CFLAR: variants seen among roughly 807,000 people sequenced by gnomAD.
CFLAR encodes the protein CASP8 and FADD like apoptosis regulator.
A neutral mutation model predicts 51.1 loss-of-function variants in CFLAR; 14 were observed. The ratio of observed to expected loss-of-function variants is 0.27; its 90% confidence interval spans 0.18 to 0.43. CFLAR has a LOEUF of 0.43. Among genes scored for constraint, CFLAR ranks in the 20% least tolerant of loss-of-function variants. The probability of loss-of-function intolerance (pLI) is 1.00; values close to 1 mark genes in which losing one functional copy is unlikely to be tolerated. For missense variants in CFLAR, 390 were observed against 566.5 expected (o/e 0.69, Z 3.16); for synonymous variants, 210 against 211.6 (o/e 0.99, Z 0.06).
At chr2:201,153,889 ATTTTC>A (rs1379978527) in intron 8 of CFLAR, among the ~76,000 whole-genome samples, 1 of 116,244 alleles carries the variant, frequency 8.6e-6, no homozygotes, top group African/African-American at 3.3e-5. Flanking sequence ...GGAATATTCT[ATTTTC>A]TTTTCTTTCT....
intron 2 of CFLAR, among the ~76,000 whole-genome samples, chr2:201,130,353 CT>C (rs771361555): frequency 6.4e-3 from 594 of 92,254 alleles, no homozygotes; most frequent in African/African-American, 0.021. Context: ...TTCTTTCTTT[CT>C]TTTTTTTTTT....
In CFLAR at chr2:201,174,543, G is replaced by C. The variant is rs1326277888; in HGVS notation, c.*10570G>C. The C allele has an allele frequency of 3.3e-5, 5 of 152,052 alleles. No individual in the cohort carries two copies. The highest frequency in any genetic ancestry group is 1.2e-4 in the African/African-American group (5 of 41,380). 9.4% of individuals were successfully genotyped at this position (152,052 alleles called of 1,614,324 possible). ...GTAGTCCTCTAACTTTGTTGTTGTT[G>C]TTGTTCTTCTTTTTTCTTTTGTAGA... is the stretch of plus-strand genomic sequence containing the variant. On this transcript the variant is annotated 3_prime_UTR_variant, in exon 10 of 10. Transcript: ENST00000309955.
rs1347130381 is a variant in CFLAR at position 201,163,169 on chromosome 2, AT to A, written c.1305-663del. ...TCTTATATTTCCTCAAGTTTTGACA[AT>A]TTGATAGGTGAAAAGTGGTATCTGA... On this transcript the variant is annotated intron_variant, in intron 9 of 9. Transcript: ENST00000309955. 6 of 962,448 alleles carry A rather than the reference AT, an allele frequency of 6.2e-6. No individual in the cohort carries two copies. In the African/African-American group the frequency reaches 9.8e-5, roughly 16 times the overall value. The allele number at this position is 962,448 out of a possible 1,614,324, so 59.6% of individuals were successfully genotyped here.
intron 8 of CFLAR, among the ~76,000 whole-genome samples, chr2:201,158,250 T>C (rs1942503205): frequency 6.6e-6 from 1 of 152,224 alleles, no homozygotes; most frequent in Admixed American, 6.5e-5. Flanking sequence ...CACACAGCTG[T>C]CTGCTCACAG....
In CFLAR at chr2:201,138,068, G is replaced by A; in HGVS notation, c.523+1961G>A. 4 of 728,324 alleles carry A rather than the reference G, an allele frequency of 5.5e-6. No individual in the cohort carries two copies. In the Admixed American group the frequency reaches 5.6e-5, roughly 10 times the overall value. The allele number at this position is 728,324 out of a possible 1,614,324, so 45.1% of individuals were successfully genotyped here. On this transcript the variant is annotated intron_variant, in intron 4 of 9. Coordinates refer to ENST00000309955, the MANE Select transcript of CFLAR (RefSeq NM_003879.7). The surrounding 1 kb of genome is among the most constrained non-coding windows in gnomAD (Gnocchi z 4.0). ...TGCAGGCTATCACTTCCTGGTTGAT[G>A]TAGATGGAGCCGCGCAGTCCATGCC...
intron 4 of CFLAR, chr2:201,139,283 A>C: frequency 3.5e-6 from 1 of 287,674 alleles, no homozygotes; most frequent in Non-Finnish European, 6.7e-6. Context: ...GTACCCAGGG[A>C]CACAAACACT....
rs2050480744 is a variant in CFLAR at position 201,138,592 on chromosome 2, C to T, written c.524-1765C>T. ...TCGATGTCTCGGGAGGTGACGATGC[C>T]CACCAGCTTGCTGCCCATGGTACCC... On this transcript the variant is annotated intron_variant, in intron 4 of 9. Coordinates refer to ENST00000309955, the MANE Select transcript of CFLAR (RefSeq NM_003879.7). This position sits in a 1 kb window ranked among gnomAD's most constrained non-coding sequence, Gnocchi z 4.0. 3.1e-6 allele frequency: 5 copies of T among 1,592,822 alleles called. No homozygotes were observed. Among genetic ancestry groups the T allele is most frequent in the East Asian group, 2.2e-5 (1 of 44,820 alleles).
rs1060975 is a variant in CFLAR at position 201,164,004 on chromosome 2, A to G, written c.*31A>G. 1.9e-6 allele frequency: 3 copies of G among 1,587,632 alleles called. No homozygotes were observed. The highest frequency in any genetic ancestry group is 1.4e-5 in the African/African-American group (1 of 73,958). On this transcript the variant is annotated 3_prime_UTR_variant, in exon 10 of 10. Transcript: ENST00000309955. ...CAAAAGGCTGGGCGTAGTGGCTCAC[A>G]CCTGTAATCCCAGCACTTTGGGAGG...
intron 1 of CFLAR, among the ~76,000 whole-genome samples, chr2:201,119,855 T>TC (rs1178647449): frequency 3.3e-5 from 5 of 151,180 alleles, no homozygotes; most frequent in Admixed American, 2.0e-4. Context: ...TTTTTTTTTT[T>TC]CACACATGTG....
chr2:201,125,062 GTCA>G (rs1349498035), intron 1 of CFLAR, among the ~76,000 whole-genome samples: 4 of 152,152 alleles, frequency 2.6e-5, no homozygotes, highest in Non-Finnish European at 5.9e-5. Context: ...CAAAAAGTCA[GTCA>G]TCAAGATAGA....
Position 201,116,337 on chromosome 2 carries a change from A to C in CFLAR, c.-282A>C, listed in dbSNP as rs1386783074. ...GACCACGGGAGGAGGTGTAGGAGAG[A>C]AGCGCCGCGAACAGCGATCGCCCAG... On this transcript the variant is annotated 5_prime_UTR_variant, in exon 1 of 10. Transcript: ENST00000309955. This position sits in a 1 kb window ranked among gnomAD's most constrained non-coding sequence, Gnocchi z 4.8. 6.6e-6 allele frequency: 1 copy of C among 152,288 alleles called. No homozygotes were observed. The highest frequency in any genetic ancestry group is 1.5e-5 in the Non-Finnish European group (1 of 68,106). 9.4% of individuals were successfully genotyped at this position (152,288 alleles called of 1,614,324 possible).
At position 201,175,823 on chromosome 2, in the gene CFLAR, GC is replaced by G. The variant is rs1358242133; in HGVS notation, c.*11851del. ...ACAGTGAAAGTTTATTACGCTTTAG[GC>G]TGGGCACAGTGGCTCATGCCTGTAA... On this transcript the variant is annotated 3_prime_UTR_variant, in exon 10 of 10. Transcript: ENST00000309955. 1 of 152,102 alleles carries G rather than the reference GC, an allele frequency of 6.6e-6. No homozygotes were observed. Among genetic ancestry groups the G allele is most frequent in the Non-Finnish European group, 1.5e-5 (1 of 68,080 alleles). 9.4% of individuals were successfully genotyped at this position (152,102 alleles called of 1,614,324 possible).
At position 201,116,652 on chromosome 2, in the gene CFLAR, C is replaced by T. The variant is rs1026105708; in HGVS notation, c.-138+171C>T. The stretch of plus-strand genomic sequence containing the variant: ...TGCGCTCCGGGAAACTGCAGGTGGC[C>T]GGCAGTGGCCAGGGGATGGCGGGGG... On this transcript the variant is annotated intron_variant, in intron 1 of 9. Transcript: ENST00000309955. The surrounding 1 kb of genome is among the most constrained non-coding windows in gnomAD (Gnocchi z 4.8). 7.2e-5 allele frequency among the ~76,000 whole-genome samples: 11 copies of T among 152,236 alleles called. No homozygotes were observed. Among genetic ancestry groups the T allele is most frequent in the African/African-American group, 1.9e-4 (8 of 41,464 alleles).
At chr2:201,149,177 T>G in intron 7 of CFLAR, 125 bp downstream of exon 7, 1 of 648,912 alleles carries the variant, frequency 1.5e-6, no homozygotes, top group Non-Finnish European at 2.7e-6. Context: ...GTTGTTCTCC[T>G]GAGAACTTCC....
intron 8 of CFLAR, among the ~76,000 whole-genome samples, chr2:201,159,934 C>T (rs548288462): frequency 6.6e-6 from 1 of 152,242 alleles, no homozygotes; most frequent in South Asian, 2.1e-4. Flanking sequence ...GGAGGCTCCA[C>T]TTCTATGGTG....
chr2:201,141,190 A>G (rs555519233), intron 5 of CFLAR, among the ~76,000 whole-genome samples: 1 of 152,226 alleles, frequency 6.6e-6, no homozygotes, highest in South Asian at 2.1e-4. Flanking sequence ...AAATCGCGCC[A>G]TTGTACTCCA....
chr2:201,168,390 A>G lies in CFLAR; in HGVS notation c.*4417A>G, dbSNP rs1162183579. 6.6e-6 allele frequency: 1 copy of G among 152,246 alleles called. No homozygotes were observed. Among genetic ancestry groups the G allele is most frequent in the African/African-American group, 2.4e-5 (1 of 41,456 alleles). 9.4% of individuals were successfully genotyped at this position (152,246 alleles called of 1,614,324 possible). On this transcript the variant is annotated 3_prime_UTR_variant, in exon 10 of 10. Coordinates refer to ENST00000309955, the MANE Select transcript of CFLAR (RefSeq NM_003879.7). ...AGACAAAAACCACATGATTATCTCA[A>G]TAGATACAGAAAAGGCCTTCAATAA...
At chr2:201,163,603 C>T in intron 9 of CFLAR, 1 of 1,326,196 alleles carries the variant, frequency 7.5e-7, no homozygotes, top group Non-Finnish European at 9.6e-7. Context: ...GGGTTATCAT[C>T]TGGCTGGTAT....
At chr2:201,141,045 A>T (rs1347275956) in intron 5 of CFLAR, among the ~76,000 whole-genome samples, 1 of 152,148 alleles carries the variant, frequency 6.6e-6, no homozygotes, top group Non-Finnish European at 1.5e-5. Context: ...GGCCTGGCCA[A>T]CATGGTGAAA....
Sources: gnomAD v4.1 joint callset for allele counts (sites outside exome capture counted in the v4.1 genomes callset) on GRCh38, gnomAD v4.1.1 for gene constraint, Gnocchi (gnomAD v3.1) non-coding constraint, MANE v1.5 for transcripts, NCBI Gene and HGNC (gene_info 2026-07-23, HGNC 2026-07-21) for gene names.